CLSPN: variants seen among roughly 807,000 people sequenced by gnomAD.
The protein encoded by CLSPN is claspin homolog.
In CLSPN, 85 loss-of-function variants were observed where a neutral mutation model predicts 156.3. The ratio of observed to expected loss-of-function variants is 0.54; its 90% confidence interval spans 0.46 to 0.65. The LOEUF (loss-of-function observed/expected upper bound fraction) is 0.65, where lower values mean the gene tolerates loss of function less well. Among genes scored for constraint, CLSPN ranks in the 30% least tolerant of loss-of-function variants. CLSPN has a pLI of 0.00. For missense variants in CLSPN, 1,407 were observed against 1,554.9 expected (o/e 0.90, Z 1.60); for synonymous variants, 534 against 542.4 (o/e 0.98, Z 0.22).
intron 18 of CLSPN, among the ~76,000 whole-genome samples, chr1:35,739,773 G>A (rs1006912271): frequency 3.3e-5 from 5 of 152,134 alleles, no homozygotes; most frequent in Admixed American, 6.5e-5. Flanking sequence ...GTTATATCTG[G>A]ATAATATGAA....
rs772356862 is a variant in CLSPN, at chr1:35,760,717, C to T, written c.1204G>A (p.Val402Ile). The change falls in exon 8 of 25, where the codon GTA becomes ATA. Residue 402 changes from valine to isoleucine, a missense_variant. Val to Ile is a conservative substitution (Grantham distance 29). Transcript: ENST00000318121. ...GSDESCRKDLVKNEELEIQEK... is the reference protein window; with the variant it reads ...GSDESCRKDLIKNEELEIQEK... ...TGAATTTCTAGCTCTTCATTTTTTACCAAATCCTTCCTGCAAGACTCATCT... is the reference window on the plus strand; with the variant it reads ...TGAATTTCTAGCTCTTCATTTTTTATCAAATCCTTCCTGCAAGACTCATCT... The T allele has an allele frequency of 5.0e-6, 8 of 1,613,976 alleles. No individual in the cohort carries two copies. Among genetic ancestry groups the T allele is most frequent in the Non-Finnish European group, 5.9e-6 (7 of 1,180,020 alleles).
At chr1:35,730,109 G>A (rs965406564), downstream of CLSPN, among the ~76,000 whole-genome samples, 2 of 152,168 alleles carry the variant, frequency 1.3e-5, no homozygotes, top group Non-Finnish European at 2.9e-5. Flanking sequence ...ATTATTTTAT[G>A]TGCCAGGCAT....
rs1359085465 is a variant in CLSPN at position 35,762,435 on chromosome 1, C to A, written c.791G>T (p.Gly264Val). Reference protein sequence around the residue: ...LESGVHSFEEGSELSKGTTRK... With the variant: ...LESGVHSFEEVSELSKGTTRK... The stretch of plus-strand genomic sequence containing the variant: ...CGTGGTTCCTTTTGATAACTCACTT[C>A]CTTCCTCAAATGAATGGACCCCACT... Residue 264 changes from glycine to valine, a missense_variant, in exon 5 of 25, where the codon GGA becomes GTA. Physicochemically the swap from Gly to Val is moderately radical, Grantham distance 109 (BLOSUM62 -3). Coordinates refer to ENST00000318121, the MANE Select transcript of CLSPN (RefSeq NM_022111.4). The A allele has an allele frequency of 6.2e-7, 1 of 1,613,856 alleles. No homozygotes were observed. The highest frequency in any genetic ancestry group is 1.3e-5 in the African/African-American group (1 of 74,912).
chr1:35,742,001 A>AAAAAAG (rs71062895), intron 18 of CLSPN, among the ~76,000 whole-genome samples: 1 of 144,940 alleles, frequency 6.9e-6, no homozygotes. Context: ...AAAAAAAAAA[A>AAAAAAG]GCTGGGCCTG....
In CLSPN at chr1:35,735,632, C is replaced by G. The variant is rs903498688; in HGVS notation, c.*864G>C. On this transcript the variant is annotated 3_prime_UTR_variant, in exon 25 of 25. Transcript: ENST00000318121. ...CTGAGACAGGAGAATCACTTGAACC[C>G]GGGAGGCAGAGGTTGCCGTGAGCCG... 10 of 747,092 alleles carry G rather than the reference C, an allele frequency of 1.3e-5. No individual in the cohort carries two copies. The African/African-American group carries it at 1.7e-4, about 13-fold the overall frequency. 46.3% of individuals were successfully genotyped at this position (747,092 alleles called of 1,614,324 possible). A position where few individuals can be genotyped will look rare whatever the true frequency, so the allele number is the denominator to read the frequency against.
In CLSPN at chr1:35,732,747, TC is replaced by T. The variant is rs1641348152; in HGVS notation, c.*3748del. 1 of 985,386 alleles carries T rather than the reference TC, an allele frequency of 1.0e-6. No individual in the cohort carries two copies. Among genetic ancestry groups the T allele is most frequent in the Non-Finnish European group, 1.2e-6 (1 of 829,928 alleles). 61.0% of individuals were successfully genotyped at this position (985,386 alleles called of 1,614,324 possible). On this transcript the variant is annotated 3_prime_UTR_variant, in exon 25 of 25. Transcript: ENST00000318121. Reference sequence around the variant, plus strand: ...AGTGGCAGGTCCTGGGGCTTCAATTTCATTAAAACATAACTGATGCTGCTGG... The same window carrying T: ...AGTGGCAGGTCCTGGGGCTTCAATTTATTAAAACATAACTGATGCTGCTGG...
In CLSPN at chr1:35,732,400, TGAG is replaced by T. The variant is rs940403454; in HGVS notation, c.*4093_*4095del. 4.1e-5 allele frequency: 40 copies of T among 985,072 alleles called. 1 individual carries two copies. The highest frequency in any genetic ancestry group is 3.5e-4 in the African/African-American group (20 of 57,246). The allele number at this position is 985,072 out of a possible 1,614,324, so 61.0% of individuals were successfully genotyped here. ...GCCTGAGCATTAGAAACTCTCAAAG[TGAG>T]GAGAAGTTTGTAGAGAAGCAGTTGA... On this transcript the variant is annotated 3_prime_UTR_variant, in exon 25 of 25. Transcript: ENST00000318121.
At chr1:35,761,255 G>GT (rs767498837) in intron 6 of CLSPN, 51 bp from the exon 7 acceptor site, 2 of 1,133,426 alleles carry the variant, frequency 1.8e-6, no homozygotes, top group Non-Finnish European at 2.6e-6. Context: ...ATTCTGAAAT[G>GT]TCACTTCATA....
rs1641846303 is a variant in CLSPN at position 35,745,468 on chromosome 1, G to C, written c.2949C>G (p.Gly983=). The part of the protein sequence containing the change: ...PMEEALALCS[G]SFPTDKEEED... ...AGACTTACTTGTCTGTGGGAAAAGA[G>C]CCTGAGCAAAGAGCAAGTGCTTCTT... Residue 983 remains glycine, a synonymous_variant, in exon 16 of 25, where the codon GGC becomes GGG. Coordinates refer to ENST00000318121, the MANE Select transcript of CLSPN (RefSeq NM_022111.4). 6.2e-7 allele frequency: 1 copy of C among 1,612,866 alleles called. No homozygotes were observed. Among genetic ancestry groups the C allele is most frequent in the East Asian group, 2.2e-5 (1 of 44,876 alleles).
intron 9 of CLSPN, 110 bp from the exon 10 acceptor site, chr1:35,751,616 C>G: frequency 1.4e-6 from 2 of 1,392,582 alleles, no homozygotes; most frequent in East Asian, 2.4e-5. Context: ...ATCTGAGACT[C>G]TAGTATTCTG....
downstream of CLSPN, among the ~76,000 whole-genome samples, chr1:35,731,669 G>T (rs1041515268): frequency 1.3e-5 from 2 of 152,142 alleles, no homozygotes; most frequent in Admixed American, 1.3e-4. Flanking sequence ...TGGAAGAAAT[G>T]AGCTGATTCC....
downstream of CLSPN, among the ~76,000 whole-genome samples, chr1:35,731,012 C>CAA (rs1255826945): frequency 6.6e-6 from 1 of 151,540 alleles, no homozygotes. Flanking sequence ...CCAGCCTGAC[C>CAA]AACATAGTGA....
At chr1:35,737,955 C>T in intron 22 of CLSPN, 37 bp downstream of exon 22, 2 of 1,191,616 alleles carry the variant, frequency 1.7e-6, no homozygotes, top group Non-Finnish European at 2.3e-6. Context: ...CACTAACAAT[C>T]CAGGGGGCTA....
At chr1:35,757,332 TA>T (rs1426221744) in intron 8 of CLSPN, among the ~76,000 whole-genome samples, 1 of 152,224 alleles carries the variant, frequency 6.6e-6, no homozygotes, top group African/African-American at 2.4e-5. Context: ...CAGTGCTAAA[TA>T]AAAGTTTATT....
chr1:35,752,395 T>C (rs1417539127), intron 9 of CLSPN, among the ~76,000 whole-genome samples: 3 of 151,978 alleles, frequency 2.0e-5, no homozygotes, highest in Non-Finnish European at 2.9e-5. Context: ...CTGGCCAACA[T>C]AGCGAAACTT....
Position 35,734,151 on chromosome 1 carries a change from A to G in CLSPN, c.*2345T>C. ...TGCAGCAGCTTCTCAGTTTAGACCCAGAGGGTTTCCCTGGGATGGAGATAA... is the reference window on the plus strand; with the variant it reads ...TGCAGCAGCTTCTCAGTTTAGACCCGGAGGGTTTCCCTGGGATGGAGATAA... On this transcript the variant is annotated 3_prime_UTR_variant, in exon 25 of 25. Transcript: ENST00000318121. The G allele has an allele frequency of 3.0e-6, 3 of 985,434 alleles. No homozygotes were observed. The highest frequency in any genetic ancestry group is 3.6e-6 in the Non-Finnish European group (3 of 829,932). The allele number at this position is 985,434 out of a possible 1,614,324, so 61.0% of individuals were successfully genotyped here. A position where few individuals can be genotyped will look rare whatever the true frequency, so the allele number is the denominator to read the frequency against.
rs1267067845 is a variant in CLSPN, at chr1:35,764,605, A to G, written c.243T>C (p.Tyr81=). Residue 81 remains tyrosine, a synonymous_variant, in exon 3 of 25, where the codon TAT becomes TAC. Coordinates refer to ENST00000318121, the MANE Select transcript of CLSPN (RefSeq NM_022111.4). ...DTNASPEKTT[Y]DSAEEENKEN... is the part of the protein sequence containing the mutation. ...CTTTATTTTCCTCCTCGGCACTGTC[A>G]TAGGTAGTTTTCTCTGGAGAGGCAT... The G allele has an allele frequency of 3.7e-6, 6 of 1,613,786 alleles. No homozygotes were observed. In the South Asian group the frequency reaches 4.4e-5, roughly 12 times the overall value.
At position 35,739,450 on chromosome 1, in the gene CLSPN, C is replaced by A; in HGVS notation, c.3223G>T (p.Glu1075Ter). ...ACGTCCTCTTCATATTCATCAATTT[C>A]TTCCCCATCATACTCATCTTCGCTT... ...VGSEDEYDGE[E>*]IDEYEEDVID... The change falls in exon 19 of 25, where the codon GAA (glutamate) becomes TAA (stop). Residue 1075 changes from glutamate to a stop codon, truncating the protein, a stop_gained. Coordinates refer to ENST00000318121, the MANE Select transcript of CLSPN (RefSeq NM_022111.4). LOFTEE classifies it high-confidence loss of function. 1 of 1,614,036 alleles carries A rather than the reference C, an allele frequency of 6.2e-7. No individual in the cohort carries two copies. Among genetic ancestry groups the A allele is most frequent in the Non-Finnish European group, 8.5e-7 (1 of 1,179,944 alleles).
chr1:35,753,148 A>AGT (rs1642149986), intron 9 of CLSPN, among the ~76,000 whole-genome samples: 1 of 152,166 alleles, frequency 6.6e-6, no homozygotes, highest in Non-Finnish European at 1.5e-5. Context: ...GCTGGAGTGC[A>AGT]GTGCCACAAT....
Sources: allele counts gnomAD v4.1 joint callset (sites outside exome capture counted in the v4.1 genomes callset), GRCh38; gene constraint gnomAD v4.1.1; transcripts MANE v1.5; gene names NCBI Gene and HGNC (gene_info 2026-07-23, HGNC 2026-07-21).